The following NCAPD3 variants were observed in gnomAD, a reference collection of about 807,000 sequenced individuals.
The protein encoded by NCAPD3 is non-SMC condensin II complex subunit D3, also known as condensin-2 complex subunit D3.
Under a neutral mutation model 182.9 loss-of-function variants are expected in NCAPD3, and 105 were observed. The observed-to-expected ratio is 0.57, with a 90% CI of 0.49 to 0.68. The LOEUF (loss-of-function observed/expected upper bound fraction) is 0.68, where lower values mean the gene tolerates loss of function less well. NCAPD3 is among the 30% of genes least tolerant of loss of function. The pLI is 0.00. For synonymous variants in NCAPD3, 815 were observed against 679.9 expected, an observed-to-expected ratio of 1.20 and a Z score of -3.09; for missense variants, 1,944 against 1,837.0, an observed-to-expected ratio of 1.06 and a Z score of -1.07.
rs1944591518 is a variant in NCAPD3, at chr11:134,194,753, C to G, written c.1616-15G>C. On this transcript the variant is annotated splice_polypyrimidine_tract_variant and intron_variant, in intron 13 of 34. Transcript: ENST00000534548. ...GACACATCTTTCTGTAGAGGGAATA[C>G]CAAAGGGTCATCACAGCTGGAGAAA... is the stretch of plus-strand genomic sequence containing the variant. The G allele has an allele frequency of 6.3e-7, 1 of 1,575,500 alleles. No homozygotes were observed. The highest frequency in any genetic ancestry group is 1.8e-5 in the Admixed American group (1 of 55,782).
At chr11:134,199,731 C>T (rs1252646457) in intron 13 of NCAPD3, among the ~76,000 whole-genome samples, 3 of 152,196 alleles carry the variant, frequency 2.0e-5, no homozygotes, top group African/African-American at 2.4e-5. Context: ...CCGCATAACA[C>T]GCACTAGACA....
intron 27 of NCAPD3, among the ~76,000 whole-genome samples, chr11:134,167,691 G>A (rs1267165594): frequency 6.5e-5 from 5 of 77,096 alleles, no homozygotes; most frequent in Admixed American, 1.4e-4. Context: ...TTGGGGGAGG[G>A]GCACACTCAC....
intron 16 of NCAPD3, among the ~76,000 whole-genome samples, chr11:134,186,760 CTG>C (rs1944414593): frequency 6.6e-6 from 1 of 152,212 alleles, no homozygotes; most frequent in African/African-American, 2.4e-5. Context: ...AATAAGGTAA[CTG>C]TAACAAAATA....
At chr11:134,191,518 G>C (rs1944523825) in intron 16 of NCAPD3, among the ~76,000 whole-genome samples, 1 of 152,188 alleles carries the variant, frequency 6.6e-6, no homozygotes, top group African/African-American at 2.4e-5. Flanking sequence ...TTTTTATAAA[G>C]AAAAATAAAT....
intron 14 of NCAPD3, among the ~76,000 whole-genome samples, chr11:134,194,429 C>T (rs1351202563): frequency 1.3e-5 from 2 of 152,252 alleles, no homozygotes; most frequent in Admixed American, 6.5e-5. Context: ...CTATTCTAAA[C>T]AAATTCAGGA....
intron 32 of NCAPD3, among the ~76,000 whole-genome samples, chr11:134,156,270 C>T (rs900465404): frequency 2.6e-5 from 4 of 152,102 alleles, no homozygotes; most frequent in South Asian, 2.1e-4. Flanking sequence ...TGGCCAGGGA[C>T]GAGCGGGGCT....
upstream of NCAPD3, chr11:134,225,117 G>A (rs746158981): frequency 1.9e-6 from 3 of 1,597,334 alleles, no homozygotes; most frequent in Non-Finnish European, 2.6e-6. Context: ...CCGGCCCGGC[G>A]GTGCGATGAG....
At chr11:134,190,497 A>AT (rs1440240689) in intron 16 of NCAPD3, among the ~76,000 whole-genome samples, 2 of 151,664 alleles carry the variant, frequency 1.3e-5, no homozygotes, top group African/African-American at 2.4e-5. Flanking sequence ...CATCCTTTTT[A>AT]TTTTTTTGAG....
intron 31 of NCAPD3, 89 bp from the exon 32 acceptor site, chr11:134,157,184 C>T (rs932327132): frequency 1.8e-5 from 18 of 1,022,506 alleles, no homozygotes; most frequent in Admixed American, 4.8e-5. Context: ...ATCTGCAAGA[C>T]GTAAAGTCAA....
At chr11:134,154,478 C>CA (rs1491261034) in intron 32 of NCAPD3, among the ~76,000 whole-genome samples, 4 of 81,284 alleles carry the variant, frequency 4.9e-5, no homozygotes, top group African/African-American at 2.0e-4. Flanking sequence ...CTTCTCTGCA[C>CA]CCCCCCCCCC....
chr11:134,164,481 A>G (rs1216805784), intron 27 of NCAPD3, among the ~76,000 whole-genome samples: 4 of 152,248 alleles, frequency 2.6e-5, no homozygotes, highest in Non-Finnish European at 4.4e-5. Flanking sequence ...AGTCAGCACC[A>G]GAGCATGGCA....
chr11:134,164,796 T>G (rs1943712875), intron 27 of NCAPD3, among the ~76,000 whole-genome samples: 1 of 143,786 alleles, frequency 7.0e-6, no homozygotes, highest in Non-Finnish European at 1.5e-5. Flanking sequence ...TGAAATGAAC[T>G]TAGGGGAACT....
intron 27 of NCAPD3, among the ~76,000 whole-genome samples, chr11:134,164,192 T>TC (rs2120608209): frequency 6.6e-6 from 1 of 152,214 alleles, no homozygotes; most frequent in East Asian, 1.9e-4. Context: ...TCTGCCCCAG[T>TC]CATTCAGATC....
At chr11:134,165,357 G>C (rs2120630720) in intron 27 of NCAPD3, among the ~76,000 whole-genome samples, 1 of 151,246 alleles carries the variant, frequency 6.6e-6, no homozygotes, top group South Asian at 2.1e-4. Context: ...CATGAGCTTG[G>C]GAAGGGCGCA....
chr11:134,159,843 G>C, intron 29 of NCAPD3, 49 bp downstream of exon 29: 1 of 1,560,022 alleles, frequency 6.4e-7, no homozygotes. Context: ...ACTGGTAGCA[G>C]ACAGCAGACT....
Position 134,158,420 on chromosome 11 carries a change from G to A in NCAPD3, c.3943C>T (p.Pro1315Ser), listed in dbSNP as rs1213876164. ...CCAGCACTTGCCCTGGGTGTGCAGG[G>A]CTGGCTCACGGCAGGTGACATGGCA... ...NPAMSPAVSQ[P>S]CTPRASAGHV... Residue 1315 changes from proline (P) to serine (S), a missense_variant, in exon 30 of 35, where the codon CCC becomes TCC. Around this residue, in one of 3 missense-constraint regions of NCAPD3, gnomAD observed 1,803 missense variants for 1,674.6 expected, o/e 1.08. Coordinates refer to ENST00000534548, the MANE Select transcript of NCAPD3 (RefSeq NM_015261.3). 1.2e-6 allele frequency: 2 copies of A among 1,614,222 alleles called. No individual in the cohort carries two copies. Among genetic ancestry groups the A allele is most frequent in the Admixed American group, 1.7e-5 (1 of 60,030 alleles).
At chr11:134,211,615 C>CA (rs1937834796) in intron 3 of NCAPD3, among the ~76,000 whole-genome samples, 2 of 151,586 alleles carry the variant, frequency 1.3e-5, no homozygotes, top group African/African-American at 2.4e-5. Flanking sequence ...CAGGAAATGA[C>CA]AGAGATAATG....
At chr11:134,186,722 T>TGAGGGAA (rs1293217997) in intron 16 of NCAPD3, among the ~76,000 whole-genome samples, 2 of 152,284 alleles carry the variant, frequency 1.3e-5, no homozygotes, top group East Asian at 3.9e-4. Context: ...TAAACTGTTT[T>TGAGGGAA]TAGAAGGGAA....
chr11:134,159,095 C>A (rs146885915), intron 29 of NCAPD3, among the ~76,000 whole-genome samples: 2,537 of 152,342 alleles, frequency 0.017, 25 homozygotes, highest in Middle Eastern at 0.034. Flanking sequence ...CCAAATTTTG[C>A]TATTGTGAAC....
Sources: allele counts gnomAD v4.1 joint callset (sites outside exome capture counted in the v4.1 genomes callset), GRCh38; gene constraint gnomAD v4.1.1; regional missense constraint gnomAD v4.1.1; transcripts MANE v1.5; gene names NCBI Gene and HGNC (gene_info 2026-07-23, HGNC 2026-07-21).